Variants in MATN2 observed in about 807,000 individuals in gnomAD.
MATN2 encodes matrilin-2.
In MATN2, 69 loss-of-function variants were observed where a neutral mutation model predicts 103.2. The ratio of observed to expected loss-of-function variants is 0.67; its 90% confidence interval spans 0.55 to 0.82. The LOEUF is 0.82. Among genes scored for constraint, MATN2 ranks in the 40% least tolerant of loss-of-function variants. The pLI, the probability that MATN2 is intolerant of heterozygous loss-of-function variation, is 0.00. For missense variants in MATN2, 1,023 were observed against 1,211.5 expected (o/e 0.84, Z 2.31); for synonymous variants, 429 against 450.2 (o/e 0.95, Z 0.60).
At chr8:97,920,732 GA>G (rs1009999983) in intron 2 of MATN2, among the ~76,000 whole-genome samples, 3 of 152,200 alleles carry the variant, frequency 2.0e-5, no homozygotes, top group African/African-American at 7.2e-5. Context: ...GCTAACTTGG[GA>G]GGATCACTTG....
Position 97,965,744 on chromosome 8 carries a change from G to A in MATN2, c.958+4214G>A, listed in dbSNP as rs549656128. Among the ~76,000 whole-genome samples the A allele has an allele frequency of 4.9e-4, 74 of 152,290 alleles. 1 individual carries two copies. In the South Asian group the frequency reaches 0.015, roughly 30 times the overall value. The stretch of plus-strand genomic sequence containing the variant: ...GCCTGTAATCCCAGCACTTTGGGAG[G>A]CTGAGGCAGGCAGATCACCTGAGGT... On this transcript the variant is annotated intron_variant, in intron 5 of 18. Transcript: ENST00000254898.
intron 4 of MATN2, among the ~76,000 whole-genome samples, chr8:97,944,186 AACTG>A (rs1221717568): frequency 6.6e-6 from 1 of 152,206 alleles, no homozygotes; most frequent in Non-Finnish European, 1.5e-5. Context: ...TGAGCCAGGA[AACTG>A]ACTTCTGGGC....
intron 6 of MATN2, among the ~76,000 whole-genome samples, chr8:97,983,624 T>C (rs1947454): frequency 0.022 from 3,311 of 152,312 alleles, 125 homozygotes; most frequent in African/African-American, 0.076. Context: ...ATAAAGGCAA[T>C]TGCGGACACC....
intron 13 of MATN2, among the ~76,000 whole-genome samples, chr8:98,027,012 T>C (rs1334180432): frequency 3.3e-5 from 5 of 152,120 alleles, no homozygotes; most frequent in East Asian, 1.9e-4. Context: ...TCTTTCTCCA[T>C]TGACTGTCAG....
intron 3 of MATN2, among the ~76,000 whole-genome samples, chr8:97,941,036 C>T (rs1157410533): frequency 6.6e-6 from 1 of 151,744 alleles, no homozygotes; most frequent in East Asian, 1.9e-4. Context: ...GTGGCACACG[C>T]CCATAGTCCC....
intron 2 of MATN2, among the ~76,000 whole-genome samples, chr8:97,914,629 C>T (rs1809560484): frequency 6.6e-6 from 1 of 151,830 alleles, no homozygotes; most frequent in Non-Finnish European, 1.5e-5. Context: ...GCTGAGATTA[C>T]ATGTGTGAGC....
At chr8:98,006,431 T>A (rs1479040881) in intron 8 of MATN2, among the ~76,000 whole-genome samples, 1 of 152,150 alleles carries the variant, frequency 6.6e-6, no homozygotes, top group African/African-American at 2.4e-5. Context: ...CTCACCCTAT[T>A]CCTATAAGAA....
chr8:98,018,274 T>C (rs568094089), intron 12 of MATN2, among the ~76,000 whole-genome samples, 158 bp downstream of exon 12: 1 of 152,296 alleles, frequency 6.6e-6, no homozygotes, highest in South Asian at 2.1e-4. Flanking sequence ...ATCAGTTCAG[T>C]AGCCCCTTGC....
At chr8:98,030,062 A>G (rs1813953645) in intron 14 of MATN2, among the ~76,000 whole-genome samples, 1 of 152,232 alleles carries the variant, frequency 6.6e-6, no homozygotes, top group Non-Finnish European at 1.5e-5. Flanking sequence ...AGCTTTGAGT[A>G]GAAACTAGGT....
At chr8:97,957,806 G>A (rs1458371206) in intron 4 of MATN2, among the ~76,000 whole-genome samples, 3 of 152,192 alleles carry the variant, frequency 2.0e-5, no homozygotes, top group Non-Finnish European at 4.4e-5. Flanking sequence ...CAGCCTGGCT[G>A]CACACTGGGG....
chr8:98,022,683 A>G (rs1813644472), intron 13 of MATN2, among the ~76,000 whole-genome samples: 3 of 151,580 alleles, frequency 2.0e-5, no homozygotes, highest in Non-Finnish European at 4.4e-5. Flanking sequence ...GAGGACAAAG[A>G]AGCTTTCTAC....
At chr8:97,962,962 C>T (rs542107072) in intron 5 of MATN2, among the ~76,000 whole-genome samples, 74 of 152,106 alleles carry the variant, frequency 4.9e-4, no homozygotes, top group Non-Finnish European at 9.8e-4. Flanking sequence ...TGGCGAAACC[C>T]GGTCTCTACT....
chr8:97,994,340 T>C (rs1812497049), intron 6 of MATN2, 140 bp from the exon 7 acceptor site: 2 of 809,460 alleles, frequency 2.5e-6, no homozygotes, highest in Non-Finnish European at 3.8e-6. Context: ...AGTAGCTTTA[T>C]TGGGAGACCC....
At chr8:97,964,448 C>CTTT (rs1168942633) in intron 5 of MATN2, among the ~76,000 whole-genome samples, 1 of 138,762 alleles carries the variant, frequency 7.2e-6, no homozygotes, top group Non-Finnish European at 1.6e-5. Flanking sequence ...TGGCCCAATT[C>CTTT]TTTTTTTTTT....
intron 2 of MATN2, among the ~76,000 whole-genome samples, chr8:97,929,278 A>G (rs1437718304): frequency 2.0e-5 from 3 of 152,152 alleles, no homozygotes; most frequent in African/African-American, 4.8e-5. Flanking sequence ...TCTCATTTTT[A>G]TGACTAGCTT....
chr8:98,030,557 G>A lies in MATN2; in HGVS notation c.2452G>A (p.Glu818Lys), dbSNP rs972862634. The change falls in exon 15 of 19, where the codon GAA becomes AAA. Residue 818 changes from glutamate (E) to lysine (K), a missense_variant. Transcript: ENST00000254898. ...EPTNKHLFYAEDFSTMDEISE... is the reference protein window; with the variant it reads ...EPTNKHLFYAKDFSTMDEISE... ...CACAAACAAGCATCTCTTCTATGCCGAAGACTTCAGCACAATGGATGAGAT... is the reference window on the plus strand; with the variant it reads ...CACAAACAAGCATCTCTTCTATGCCAAAGACTTCAGCACAATGGATGAGAT... 1.2e-5 allele frequency: 20 copies of A among 1,613,808 alleles called. No individual in the cohort carries two copies. In the East Asian group the frequency reaches 1.3e-4, roughly 11 times the overall value.
intron 14 of MATN2, among the ~76,000 whole-genome samples, chr8:98,028,217 T>C (rs1213280005): frequency 1.3e-5 from 2 of 152,242 alleles, no homozygotes; most frequent in Non-Finnish European, 2.9e-5. Flanking sequence ...ATGGGAACTT[T>C]TACTGTGTAT....
intron 3 of MATN2, among the ~76,000 whole-genome samples, chr8:97,935,635 C>T (rs1043659369): frequency 2.0e-5 from 3 of 152,062 alleles, no homozygotes; most frequent in African/African-American, 7.2e-5. Flanking sequence ...TACAGGTGTG[C>T]GCCGCCATGA....
chr8:97,977,529 T>C (rs1284054365), intron 5 of MATN2, among the ~76,000 whole-genome samples: 1 of 151,982 alleles, frequency 6.6e-6, no homozygotes, highest in South Asian at 2.1e-4. Flanking sequence ...CTCCCCCTCA[T>C]CCCCTGCAAC....
Sources: gnomAD v4.1 joint callset for allele counts (sites outside exome capture counted in the v4.1 genomes callset) on GRCh38, gnomAD v4.1.1 for gene constraint, MANE v1.5 for transcripts, NCBI Gene and HGNC (gene_info 2026-07-23, HGNC 2026-07-21) for gene names.